The following ARL5C variants were observed in gnomAD, a reference collection of about 807,000 sequenced individuals.
ARL5C encodes the protein ARF like GTPase 5C, also known as putative ADP-ribosylation factor-like protein 5C.
Under a neutral mutation model 20.8 loss-of-function variants are expected in ARL5C, and 21 were observed. The observed-to-expected ratio is 1.01, with a 90% confidence interval of 0.72 to 1.46. ARL5C has a LOEUF of 1.46. ARL5C is among the 40% of genes most tolerant of loss of function. The probability of loss-of-function intolerance (pLI) is 0.00; values close to 1 mark genes in which losing one functional copy is unlikely to be tolerated. For synonymous variants in ARL5C, 71 were observed against 81.6 expected (o/e 0.87, Z 0.70); for missense variants, 199 against 225.1 (o/e 0.88, Z 0.74).
In ARL5C at chr17:39,162,711, C is replaced by T; in HGVS notation, c.255G>A (p.Glu85=). The part of the protein sequence containing the change: ...FIWNTYYSNT[E]FIILVIDSTD... The stretch of plus-strand genomic sequence containing the variant: ...CCTTCAGCCCTGGTGCCCTCCTCAC[C>T]TCAGTGTTGGAGTAGTATGTGTTCC... Residue 85 remains glutamate, a splice_region_variant and synonymous_variant, in exon 3 of 6, where the codon GAG becomes GAA. Transcript: ENST00000269586. 1 of 1,551,524 alleles carries T rather than the reference C, an allele frequency of 6.4e-7. No homozygotes were observed. The highest frequency in any genetic ancestry group is 8.7e-7 in the Non-Finnish European group (1 of 1,146,872).
chr17:39,165,203 C>T lies in ARL5C; in HGVS notation c.47-64G>A. 4 of 1,491,702 alleles carry T rather than the reference C, an allele frequency of 2.7e-6. No individual in the cohort carries two copies. The South Asian group carries it at 4.8e-5, about 18-fold the overall frequency. 92.4% of individuals were successfully genotyped at this position (1,491,702 alleles called of 1,614,324 possible). A position where few individuals can be genotyped will look rare whatever the true frequency, so the allele number is the denominator to read the frequency against. ...CCGAAGACCAAGGGACTGTGTGCCCCCACCAGACCTCCCAGGAAGGAGATA... is the reference window on the plus strand; with the variant it reads ...CCGAAGACCAAGGGACTGTGTGCCCTCACCAGACCTCCCAGGAAGGAGATA... On this transcript the variant is annotated intron_variant, in intron 1 of 5. Transcript: ENST00000269586.
intron 5 of ARL5C, among the ~76,000 whole-genome samples, chr17:39,158,092 C>G (rs552210191): frequency 8.0e-6 from 1 of 124,618 alleles, no homozygotes. Flanking sequence ...AGCAAGTGGC[C>G]GTCGAAGAAA....
chr17:39,161,212 G>A, intron 4 of ARL5C, 56 bp downstream of exon 4: 8 of 1,485,028 alleles, frequency 5.4e-6, no homozygotes, highest in South Asian at 1.2e-5. Flanking sequence ...TAAGTGACCA[G>A]CCTGAGGGCA....
Position 39,162,783 on chromosome 17 carries a change from G to A in ARL5C, c.183C>T (p.His61=). The A allele has an allele frequency of 6.4e-7, 1 of 1,551,512 alleles. No individual in the cohort carries two copies. Among genetic ancestry groups the A allele is most frequent in the East Asian group, 2.4e-5 (1 of 40,970 alleles). Residue 61 remains histidine (H), a synonymous_variant, in exon 3 of 6, where the codon CAC becomes CAT. Transcript: ENST00000269586. The stretch of plus-strand genomic sequence containing the variant: ...GTCTCACTATGTCCCACATGAAGAA[G>A]TGGGTCTTCGGCAGAATGATCTCCT... ...NVEEIILPKT[H]FFMWDIVRPE... is the part of the protein sequence containing the mutation.
intron 2 of ARL5C, 121 bp from the exon 3 acceptor site, chr17:39,162,979 A>G (rs76651321): frequency 0.045 from 54,894 of 1,227,690 alleles, 1,460 homozygotes; most frequent in Middle Eastern, 0.06. Flanking sequence ...CAGGTTCACC[A>G]AACACCTGCT....
chr17:39,160,564 A>C, intron 5 of ARL5C, 27 bp downstream of exon 5: 2 of 1,549,952 alleles, frequency 1.3e-6, no homozygotes, highest in Non-Finnish European at 1.7e-6. Context: ...GCCAGGCCCT[A>C]GAGATCCAGG....
chr17:39,159,102 G>A (rs1191960651), intron 5 of ARL5C, among the ~76,000 whole-genome samples: 2 of 126,298 alleles, frequency 1.6e-5, no homozygotes, highest in Admixed American at 9.4e-5. Flanking sequence ...CATGGTCAGA[G>A]CTCAGTGCAG....
intron 2 of ARL5C, among the ~76,000 whole-genome samples, chr17:39,164,628 A>G (rs2144049966): frequency 6.6e-6 from 1 of 152,310 alleles, no homozygotes; most frequent in South Asian, 2.1e-4. Flanking sequence ...TATCGGGGAA[A>G]GCTGCGATCG....
chr17:39,159,033 T>TTTTG (rs1555575777), intron 5 of ARL5C, among the ~76,000 whole-genome samples: 2 of 124,074 alleles, frequency 1.6e-5, no homozygotes, highest in African/African-American at 6.1e-5. Flanking sequence ...TTTTTTTTTT[T>TTTTG]TTTTTTTTTT....
chr17:39,161,454 G>T, intron 3 of ARL5C, 103 bp from the exon 4 acceptor site: 1 of 973,446 alleles, frequency 1.0e-6, no homozygotes, highest in Non-Finnish European at 1.6e-6. Flanking sequence ...CCAGATGTCA[G>T]CCCCAGAGAA....
At chr17:39,156,764 A>C, downstream of ARL5C, 1 of 1,086,428 alleles carries the variant, frequency 9.2e-7, no homozygotes, top group Non-Finnish European at 1.3e-6. Context: ...GAATGGTGTC[A>C]ATCTCACTGT....
At chr17:39,160,563 T>C (rs572677066) in intron 5 of ARL5C, 28 bp downstream of exon 5, 2 of 1,550,418 alleles carry the variant, frequency 1.3e-6, no homozygotes, top group African/African-American at 2.7e-5. Context: ...AGCCAGGCCC[T>C]AGAGATCCAG....
intron 5 of ARL5C, chr17:39,160,096 G>C (rs1385354314): frequency 6.4e-6 from 1 of 155,296 alleles, no homozygotes; most frequent in African/African-American, 2.4e-5. Context: ...ACTTTGGAAG[G>C]CCGAGGCCGG....
At chr17:39,165,633 C>G in intron 1 of ARL5C, 82 bp downstream of exon 1, 1 of 1,521,904 alleles carries the variant, frequency 6.6e-7, no homozygotes, top group South Asian at 1.2e-5. Flanking sequence ...GAGGTCCCCC[C>G]GTGCGTCCGA....
At chr17:39,159,304 T>C (rs111588569) in intron 5 of ARL5C, among the ~76,000 whole-genome samples, 2,704 of 148,806 alleles carry the variant, frequency 0.018, 40 homozygotes, top group East Asian at 0.035. Context: ...TTTCTTTTTT[T>C]TTTTTTTTTG....
At chr17:39,158,696 G>A (rs1421481381) in intron 5 of ARL5C, among the ~76,000 whole-genome samples, 6 of 151,560 alleles carry the variant, frequency 4.0e-5, no homozygotes, top group Non-Finnish European at 7.4e-5. Context: ...AGTTTTCCAG[G>A]CCTGATGTAA....
At chr17:39,160,320 GTC>G (rs1321225537) in intron 5 of ARL5C, 4 of 355,006 alleles carry the variant, frequency 1.1e-5, no homozygotes, top group East Asian at 5.9e-5. Context: ...GCAAAACTCT[GTC>G]TCAAAAAAAA....
At position 39,160,828 on chromosome 17, in the gene ARL5C, C is replaced by T. The variant is rs549205299; in HGVS notation, c.340-86G>A. On this transcript the variant is annotated intron_variant, in intron 4 of 5. Coordinates refer to ENST00000269586, the MANE Select transcript of ARL5C (RefSeq NM_001143968.1). ...CCTCACAGGCGCTCTCTGGCTCCCT[C>T]TCCAGCTGTCCCAGGAAGAGAGGCC... The T allele has an allele frequency of 6.2e-4, 910 of 1,476,246 alleles. 1 individual carries two copies. Among genetic ancestry groups the T allele is most frequent in the Non-Finnish European group, 7.8e-4 (863 of 1,103,900 alleles). The allele number at this position is 1,476,246 out of a possible 1,614,324, so 91.4% of individuals were successfully genotyped here.
At chr17:39,165,692 T>G in intron 1 of ARL5C, 23 bp downstream of exon 1, 2 of 1,551,780 alleles carry the variant, frequency 1.3e-6, no homozygotes, top group Non-Finnish European at 1.7e-6. Flanking sequence ...AGCGCTCGCT[T>G]GGATGCCCTG....
Sources: gnomAD v4.1 joint callset for allele counts (sites outside exome capture counted in the v4.1 genomes callset) on GRCh38, gnomAD v4.1.1 for gene constraint, MANE v1.5 for transcripts, NCBI Gene and HGNC (gene_info 2026-07-23, HGNC 2026-07-21) for gene names.